CDH6: variants seen among roughly 807,000 people sequenced by gnomAD.
CDH6 encodes cadherin-6.
A neutral mutation model predicts 78.0 loss-of-function variants in CDH6; 31 were observed. The ratio of observed to expected loss-of-function variants is 0.40; its 90% CI spans 0.30 to 0.54. The LOEUF (loss-of-function observed/expected upper bound fraction) is 0.54. Among genes scored for constraint, CDH6 ranks in the 20% least tolerant of loss-of-function variants. The pLI is 0.56. For synonymous variants in CDH6, 376 were observed against 368.8 expected (o/e 1.02, Z -0.23); for missense variants, 724 against 975.9 (o/e 0.74, Z 3.44).
At position 31,219,218 on chromosome 5, in the gene CDH6, A is replaced by G. The variant is rs79050693; in HGVS notation, c.-129+25332A>G. Reference sequence around the variant, plus strand: ...TGTGTCTCCAGGTTACCTGTGTTTTAAAGTCCTACAAGATAAGCCATCAGA... The same window carrying G: ...TGTGTCTCCAGGTTACCTGTGTTTTGAAGTCCTACAAGATAAGCCATCAGA... On this transcript the variant is annotated intron_variant, in intron 1 of 11. Transcript: ENST00000265071. 6.5e-3 allele frequency among the ~76,000 whole-genome samples: 996 copies of G among 152,294 alleles called. 4 individuals are homozygous for G. The highest frequency in any genetic ancestry group is 0.014 in the South Asian group (69 of 4,830).
chr5:31,227,379 C>T (rs2111844498), intron 1 of CDH6, among the ~76,000 whole-genome samples: 1 of 152,170 alleles, frequency 6.6e-6, no homozygotes, highest in South Asian at 2.1e-4. Flanking sequence ...TTTTATTTGC[C>T]CAGTCCCATA....
At chr5:31,233,199 G>A (rs1424519979) in intron 1 of CDH6, among the ~76,000 whole-genome samples, 2 of 151,660 alleles carry the variant, frequency 1.3e-5, no homozygotes, top group Non-Finnish European at 2.9e-5. Flanking sequence ...CATACAGAGA[G>A]TATATATTAT....
At chr5:31,318,078 A>T in intron 11 of CDH6, 154 bp downstream of exon 11, 1 of 931,860 alleles carries the variant, frequency 1.1e-6, no homozygotes, top group Non-Finnish European at 1.7e-6. Context: ...TACGATGTGA[A>T]CTCATTTTTG....
At chr5:31,254,473 T>A (rs1741997442) in intron 1 of CDH6, among the ~76,000 whole-genome samples, 1 of 152,200 alleles carries the variant, frequency 6.6e-6, no homozygotes, top group Non-Finnish European at 1.5e-5. Context: ...CTGCAAAAGT[T>A]ATGGCCATAG....
At chr5:31,273,462 A>G (rs1742589356) in intron 2 of CDH6, among the ~76,000 whole-genome samples, 1 of 152,194 alleles carries the variant, frequency 6.6e-6, no homozygotes, top group African/African-American at 2.4e-5. Context: ...ACCCTAATGC[A>G]TGGGTATTGT....
At chr5:31,239,694 G>GGGGC (rs1364644594) in intron 1 of CDH6, among the ~76,000 whole-genome samples, 2 of 152,110 alleles carry the variant, frequency 1.3e-5, no homozygotes, top group Non-Finnish European at 2.9e-5. Context: ...CAGTTTAAAG[G>GGGGC]GGGCGCATGT....
At chr5:31,318,938 C>T in intron 11 of CDH6, 1 of 222,580 alleles carries the variant, frequency 4.5e-6, no homozygotes, top group Admixed American at 5.7e-5. Context: ...TAACAGAAGC[C>T]TTGAAACTCA....
chr5:31,246,939 C>T (rs1404444853), intron 1 of CDH6, among the ~76,000 whole-genome samples: 8 of 152,098 alleles, frequency 5.3e-5, no homozygotes, highest in African/African-American at 9.7e-5. Flanking sequence ...TTAGTAGAGA[C>T]GGGGTTTCAC....
intron 4 of CDH6, among the ~76,000 whole-genome samples, chr5:31,298,073 T>A (rs1380938069): frequency 6.6e-6 from 1 of 152,230 alleles, no homozygotes; most frequent in Non-Finnish European, 1.5e-5. Flanking sequence ...TCCTAACTGA[T>A]GGAGTCCTAA....
intron 6 of CDH6, chr5:31,302,573 C>A (rs564146425): frequency 1.2e-5 from 3 of 247,522 alleles, no homozygotes; most frequent in East Asian, 7.5e-5. Flanking sequence ...ATTAGCCAGG[C>A]GTGGTGGTGG....
chr5:31,281,692 A>G (rs13187907), intron 2 of CDH6, among the ~76,000 whole-genome samples: 44,182 of 152,172 alleles, frequency 0.29, 7,098 homozygotes, highest in Admixed American at 0.37. Context: ...ATGAACAATA[A>G]CATTTATTAT....
At chr5:31,266,540 T>C (rs114628152) in intron 1 of CDH6, among the ~76,000 whole-genome samples, 4,288 of 152,240 alleles carry the variant, frequency 0.028, 217 homozygotes, top group African/African-American at 0.098. Flanking sequence ...CTAAGGAAAT[T>C]TGAATAGAAT....
At chr5:31,204,076 C>T (rs968782862) in intron 1 of CDH6, among the ~76,000 whole-genome samples, 2 of 152,192 alleles carry the variant, frequency 1.3e-5, no homozygotes, top group African/African-American at 4.8e-5. Flanking sequence ...AATGCTATTA[C>T]CTGGAAGAAA....
chr5:31,305,364 A>T lies in CDH6; in HGVS notation c.1190A>T (p.Gln397Leu), dbSNP rs756103334. 1 of 1,614,058 alleles carries T rather than the reference A, an allele frequency of 6.2e-7. No homozygotes were observed. The highest frequency in any genetic ancestry group is 1.3e-5 in the African/African-American group (1 of 74,944). Reference sequence around the variant, plus strand: ...ATCTTACAAATAAGAGAAGATGCTCAGATAAACACCACAATAGGCTCCGTC... The same window carrying T: ...ATCTTACAAATAAGAGAAGATGCTCTGATAAACACCACAATAGGCTCCGTC... ...AYILQIREDAQINTTIGSVTA... is the reference protein window; with the variant it reads ...AYILQIREDALINTTIGSVTA... The change falls in exon 7 of 12, where the codon CAG becomes CTG. Residue 397 changes from glutamine to leucine, a missense_variant. Gln to Leu is a moderately radical substitution (Grantham distance 113). Coordinates refer to ENST00000265071, the MANE Select transcript of CDH6 (RefSeq NM_004932.4).
chr5:31,210,021 G>T (rs1431387360), intron 1 of CDH6, among the ~76,000 whole-genome samples: 1 of 151,666 alleles, frequency 6.6e-6, no homozygotes, highest in African/African-American at 2.4e-5. Flanking sequence ...GAAATTCTAG[G>T]TGCTATTTAG....
chr5:31,227,942 T>C (rs1266198022), intron 1 of CDH6, among the ~76,000 whole-genome samples: 1 of 152,166 alleles, frequency 6.6e-6, no homozygotes, highest in Non-Finnish European at 1.5e-5. Context: ...CTTATTCTCG[T>C]ACAGATTTAT....
intron 1 of CDH6, among the ~76,000 whole-genome samples, chr5:31,203,647 T>C (rs1227194768): frequency 6.6e-6 from 1 of 151,630 alleles, no homozygotes; most frequent in African/African-American, 2.4e-5. Context: ...CAGTCTATCA[T>C]TGATGGACAT....
In CDH6 at chr5:31,322,845, G is replaced by A. The variant is rs866930126; in HGVS notation, c.1910G>A (p.Arg637Lys). ...ACAGTGGTGCTGTTTGCAGCTCTGA[G>A]GCGGCAGCGAAAAAAAGAGCCTTTG... ...LVTVVLFAAL[R>K]RQRKKEPLII... Residue 637 changes from arginine (R) to lysine (K), a missense_variant, in exon 12 of 12, where the codon AGG (arginine) becomes AAG (lysine). Physicochemically the swap from Arg to Lys is conservative, Grantham distance 26. This residue lies in a region of CDH6 where 220 missense variants were observed against 240.6 expected (regional missense o/e 0.91). Coordinates refer to ENST00000265071, the MANE Select transcript of CDH6 (RefSeq NM_004932.4). 1 of 1,613,870 alleles carries A rather than the reference G, an allele frequency of 6.2e-7. No homozygotes were observed. Among genetic ancestry groups the A allele is most frequent in the Admixed American group, 1.7e-5 (1 of 59,996 alleles).
chr5:31,279,941 C>CACTT (rs1742808836), intron 2 of CDH6, among the ~76,000 whole-genome samples: 1 of 152,152 alleles, frequency 6.6e-6, no homozygotes, highest in Non-Finnish European at 1.5e-5. Flanking sequence ...ATTACCAATC[C>CACTT]ACTTGCCTCT....
Sources: allele counts gnomAD v4.1 joint callset (sites outside exome capture counted in the v4.1 genomes callset), GRCh38; gene constraint gnomAD v4.1.1; regional missense constraint gnomAD v4.1.1; transcripts MANE v1.5; gene names NCBI Gene and HGNC (gene_info 2026-07-23, HGNC 2026-07-21).